The following DCTN5 variants were observed in gnomAD, a reference collection of about 807,000 sequenced individuals.
The protein encoded by DCTN5 is dynactin 4.
Under a neutral mutation model 23.5 loss-of-function variants are expected in DCTN5, and 14 were observed. The observed-to-expected ratio is 0.60, with a 90% CI of 0.39 to 0.93. The LOEUF is 0.93. DCTN5 is among the 40% of genes least tolerant of loss of function. DCTN5 has a pLI of 0.00. For missense variants in DCTN5, 156 were observed against 225.9 expected (o/e 0.69, Z 1.98); for synonymous variants, 67 against 79.6 (o/e 0.84, Z 0.84).
intron 1 of DCTN5, among the ~76,000 whole-genome samples, chr16:23,642,159 T>A (rs994575904): frequency 3.9e-5 from 6 of 152,086 alleles, no homozygotes. Context: ...TCCCTAACTC[T>A]TGACCTCAGG....
intron 2 of DCTN5, among the ~76,000 whole-genome samples, chr16:23,645,154 T>C (rs1303401783): frequency 9.1e-6 from 1 of 109,716 alleles, no homozygotes; most frequent in Admixed American, 1.0e-4. Context: ...TTTTTTTTAA[T>C]ACGCAGTTTT....
rs1194672626 is a variant in DCTN5 at position 23,661,409 on chromosome 16, T to C, written c.348+128T>C. The C allele has an allele frequency of 9.4e-6, 6 of 639,508 alleles. No individual in the cohort carries two copies. The Admixed American group carries it at 1.3e-4, about 14-fold the overall frequency. 39.6% of individuals were successfully genotyped at this position (639,508 alleles called of 1,614,324 possible). A position where few individuals can be genotyped will look rare whatever the true frequency, so the allele number is the denominator to read the frequency against. ...GGTTTCCAGTCTTCCCAGAGTTGGA[T>C]TTTTCTTGACAGATATGGAATTTTT... On this transcript the variant is annotated intron_variant, in intron 4 of 5. Transcript: ENST00000300087.
chr16:23,654,961 A>T (rs1431471103), intron 2 of DCTN5, among the ~76,000 whole-genome samples: 1 of 152,198 alleles, frequency 6.6e-6, no homozygotes, highest in African/African-American at 2.4e-5. Flanking sequence ...ATAATATTCC[A>T]TTATGTATAT....
chr16:23,651,350 C>G (rs1450573523), intron 2 of DCTN5, among the ~76,000 whole-genome samples: 1 of 152,168 alleles, frequency 6.6e-6, no homozygotes, highest in African/African-American at 2.4e-5. Flanking sequence ...CAGCACTACT[C>G]CTTGTGAAAT....
At chr16:23,662,233 GGA>G (rs1218394787) in intron 4 of DCTN5, among the ~76,000 whole-genome samples, 1 of 152,084 alleles carries the variant, frequency 6.6e-6, no homozygotes, top group Non-Finnish European at 1.5e-5. Flanking sequence ...TGAAACTGGG[GGA>G]AGACAGGCAT....
At chr16:23,647,398 C>A (rs1243223540) in intron 2 of DCTN5, among the ~76,000 whole-genome samples, 1 of 152,010 alleles carries the variant, frequency 6.6e-6, no homozygotes, top group African/African-American at 2.4e-5. Context: ...GTGTGAACCA[C>A]TGTGCTCGGC....
chr16:23,646,651 A>T (rs1967466524), intron 2 of DCTN5, among the ~76,000 whole-genome samples: 1 of 151,878 alleles, frequency 6.6e-6, no homozygotes, highest in Non-Finnish European at 1.5e-5. Flanking sequence ...ATCTCGGCTC[A>T]CTGCAACCTC....
At chr16:23,666,084 A>G in intron 5 of DCTN5, 1 of 206,452 alleles carries the variant, frequency 4.8e-6, no homozygotes, top group Non-Finnish European at 9.8e-6. Context: ...TGGCAGAGAG[A>G]TCCTCAAATA....
In DCTN5 at chr16:23,665,706, C is replaced by T. The variant is rs1303095110; in HGVS notation, c.429C>T (p.Phe143=). ...CTCCAGAAACTGTGGTTCCACCATT[C>T]ACTGTCTTCTCAGGCTGCCCAGGTA... ...VLPPETVVPP[F]TVFSGCPGLF... is the part of the protein sequence containing the mutation. Residue 143 remains phenylalanine, a synonymous_variant, in exon 5 of 6, where the codon TTC becomes TTT. Transcript: ENST00000300087. The T allele has an allele frequency of 6.2e-7, 1 of 1,614,024 alleles. No homozygotes were observed. The highest frequency in any genetic ancestry group is 8.5e-7 in the Non-Finnish European group (1 of 1,179,962).
In DCTN5 at chr16:23,667,171, C is replaced by T. The variant is rs778866415; in HGVS notation, c.*27C>T. ...ATCTCTGCCTCATGTCTTGAATCTG[C>T]TTGAGCTCTAAGATGAACCTGGGGA... On this transcript the variant is annotated 3_prime_UTR_variant, in exon 6 of 6. Transcript: ENST00000300087. 3.7e-6 allele frequency: 6 copies of T among 1,611,186 alleles called. No homozygotes were observed. In the Admixed American group the frequency reaches 8.3e-5, roughly 22 times the overall value.
intron 2 of DCTN5, among the ~76,000 whole-genome samples, chr16:23,645,574 AT>A (rs2140972025): frequency 6.6e-6 from 1 of 152,256 alleles, no homozygotes; most frequent in African/African-American, 2.4e-5. Context: ...ACTTCCTTCC[AT>A]TGCTGATAGC....
In DCTN5 at chr16:23,676,193, GAA is replaced by G. The variant is rs111979266; in HGVS notation, c.*9062_*9063del. Reference sequence around the variant, plus strand: ...CTGAATTGATGCCTCAGGTCAGGTTGAAAAAAAAAAAAAAGGTTCAGACAGCA... The same window carrying G: ...CTGAATTGATGCCTCAGGTCAGGTTGAAAAAAAAAAAAGGTTCAGACAGCA... On this transcript the variant is annotated 3_prime_UTR_variant, in exon 6 of 6. Transcript: ENST00000300087. The G allele has an allele frequency of 3.0e-5, 4 of 134,048 alleles. No homozygotes were observed. Among genetic ancestry groups the G allele is most frequent in the Admixed American group, 1.5e-4 (2 of 13,262 alleles). The allele number at this position is 134,048 out of a possible 1,614,324, so 8.3% of individuals were successfully genotyped here.
chr16:23,651,061 G>C (rs948540582), intron 2 of DCTN5: 3 of 1,373,136 alleles, frequency 2.2e-6, no homozygotes, highest in Admixed American at 3.0e-5. Flanking sequence ...TAAATGATTT[G>C]TTAAAATGCC....
intron 1 of DCTN5, among the ~76,000 whole-genome samples, chr16:23,642,122 G>A (rs1054790346): frequency 1.3e-5 from 2 of 151,954 alleles, no homozygotes; most frequent in African/African-American, 4.8e-5. Context: ...TGGTAGAGAC[G>A]GGGTTTCACC....
In DCTN5 at chr16:23,671,527, A is replaced by G. The variant is rs932330205; in HGVS notation, c.*4383A>G. 2.6e-5 allele frequency: 4 copies of G among 152,222 alleles called. No individual in the cohort carries two copies. Among genetic ancestry groups the G allele is most frequent in the Non-Finnish European group, 4.4e-5 (3 of 68,042 alleles). The allele number at this position is 152,222 out of a possible 1,614,324, so 9.4% of individuals were successfully genotyped here. Reference sequence around the variant, plus strand: ...CAACTGTCAAAAAAGTGAGAGTTTCACAGCCTGTTTTACAGCAGAGGAAAC... The same window carrying G: ...CAACTGTCAAAAAAGTGAGAGTTTCGCAGCCTGTTTTACAGCAGAGGAAAC... On this transcript the variant is annotated 3_prime_UTR_variant, in exon 6 of 6. Coordinates refer to ENST00000300087, the MANE Select transcript of DCTN5 (RefSeq NM_032486.4).
Position 23,674,381 on chromosome 16 carries a change from A to G in DCTN5, c.*7237A>G, listed in dbSNP as rs1284371182. 1 of 152,184 alleles carries G rather than the reference A, an allele frequency of 6.6e-6. No individual in the cohort carries two copies. Among genetic ancestry groups the G allele is most frequent in the Non-Finnish European group, 1.5e-5 (1 of 68,064 alleles). 9.4% of individuals were successfully genotyped at this position (152,184 alleles called of 1,614,324 possible). ...GCTAATTGCATTCCTAACTTCTAAT[A>G]TTTGCCAAACGCTCCAAGCTGGGGA... On this transcript the variant is annotated 3_prime_UTR_variant, in exon 6 of 6. Transcript: ENST00000300087.
rs201959191 is a variant in DCTN5 at position 23,667,030 on chromosome 16, G to A, written c.452-17G>A. On this transcript the variant is annotated splice_polypyrimidine_tract_variant and intron_variant, in intron 5 of 5. Coordinates refer to ENST00000300087, the MANE Select transcript of DCTN5 (RefSeq NM_032486.4). ...AACTTCTTCAAGCTCCTTAGAGCTG[G>A]GTCTTTCTTTCCCCAGGACTCTTCT... 7.4e-6 allele frequency: 12 copies of A among 1,613,570 alleles called. No homozygotes were observed. In the African/African-American group the frequency reaches 9.3e-5, roughly 13 times the overall value.
chr16:23,649,887 C>T (rs1036024869), intron 2 of DCTN5, among the ~76,000 whole-genome samples: 4 of 148,384 alleles, frequency 2.7e-5, no homozygotes, highest in African/African-American at 7.4e-5. Context: ...TTTTTGTGTA[C>T]AGTGACAGGT....
At chr16:23,645,112 TATATA>T (rs1967412145) in intron 2 of DCTN5, among the ~76,000 whole-genome samples, 2 of 39,834 alleles carry the variant, frequency 5.0e-5, no homozygotes, top group African/African-American at 2.1e-4. Flanking sequence ...TATATATATA[TATATA>T]TATATATATA....
Sources: allele counts gnomAD v4.1 joint callset (sites outside exome capture counted in the v4.1 genomes callset), GRCh38; gene constraint gnomAD v4.1.1; transcripts MANE v1.5; gene names NCBI Gene and HGNC (gene_info 2026-07-23, HGNC 2026-07-21).